SIK2: variants seen among roughly 807,000 people sequenced by gnomAD.
SIK2 encodes salt inducible kinase 2.
Under a neutral mutation model 103.2 loss-of-function variants are expected in SIK2, and 29 were observed. The ratio of observed to expected loss-of-function variants is 0.28; its 90% CI spans 0.21 to 0.38. The LOEUF (loss-of-function observed/expected upper bound fraction) is 0.38, where lower values mean the gene tolerates loss of function less well. Ranked by LOEUF, SIK2 falls within the 10% of genes least tolerant of loss-of-function variation. The pLI, the probability that SIK2 is intolerant of heterozygous loss-of-function variation, is 1.00. For missense variants in SIK2, 879 were observed against 1,171.0 expected, an observed-to-expected ratio of 0.75 and a Z score of 3.64; for synonymous variants, 412 against 446.1, an observed-to-expected ratio of 0.92 and a Z score of 0.96.
intron 3 of SIK2, among the ~76,000 whole-genome samples, chr11:111,662,610 C>G (rs1157667691): frequency 6.6e-6 from 1 of 152,106 alleles, no homozygotes; most frequent in Non-Finnish European, 1.5e-5. Flanking sequence ...AGCACAGTGG[C>G]TCACGCCTGT....
intron 8 of SIK2, among the ~76,000 whole-genome samples, chr11:111,711,411 G>A (rs1287432158): frequency 6.6e-6 from 1 of 152,108 alleles, no homozygotes; most frequent in African/African-American, 2.4e-5. Context: ...ATGAGCCACC[G>A]CGCCTGGCCT....
chr11:111,717,723 A>G (rs1348842584), intron 9 of SIK2, among the ~76,000 whole-genome samples: 2 of 152,250 alleles, frequency 1.3e-5, no homozygotes, highest in African/African-American at 2.4e-5. Flanking sequence ...CTGGATAAAG[A>G]AAATGTGGTA....
intron 3 of SIK2, among the ~76,000 whole-genome samples, chr11:111,656,575 G>C (rs1235621758): frequency 6.6e-6 from 1 of 152,130 alleles, no homozygotes; most frequent in Non-Finnish European, 1.5e-5. Context: ...ACTCATTAAG[G>C]TTAATGGAAA....
chr11:111,663,348 A>C (rs887063998), intron 3 of SIK2, among the ~76,000 whole-genome samples: 1 of 152,170 alleles, frequency 6.6e-6, no homozygotes, highest in Admixed American at 6.5e-5. Flanking sequence ...TTAGGAAGAA[A>C]GCAATGTGGA....
At chr11:111,690,404 T>G (rs1250148227) in intron 4 of SIK2, among the ~76,000 whole-genome samples, 2 of 150,272 alleles carry the variant, frequency 1.3e-5, no homozygotes, top group Non-Finnish European at 3.0e-5. Flanking sequence ...CTAGGAGTTG[T>G]TTTTTTTTCC....
chr11:111,606,308 T>C (rs961901847), intron 1 of SIK2, among the ~76,000 whole-genome samples: 9 of 151,574 alleles, frequency 5.9e-5, no homozygotes, highest in African/African-American at 1.7e-4. Context: ...AGTCTCTTAT[T>C]ATAATATAAA....
intron 3 of SIK2, among the ~76,000 whole-genome samples, chr11:111,631,895 C>T (rs1942045128): frequency 6.6e-6 from 1 of 152,142 alleles, no homozygotes; most frequent in Non-Finnish European, 1.5e-5. Flanking sequence ...GGGAATGCAT[C>T]TACGGTGTGT....
chr11:111,641,289 C>T (rs1303519834), intron 3 of SIK2, among the ~76,000 whole-genome samples: 2 of 152,142 alleles, frequency 1.3e-5, no homozygotes, highest in Non-Finnish European at 2.9e-5. Flanking sequence ...TGAGCCTTTA[C>T]GTTTCCCTAA....
chr11:111,670,749 GA>G (rs751845354), intron 3 of SIK2, among the ~76,000 whole-genome samples: 2 of 152,074 alleles, frequency 1.3e-5, no homozygotes, highest in African/African-American at 2.4e-5. Flanking sequence ...CTTTATTTTG[GA>G]AAAAAATAAT....
intron 1 of SIK2, among the ~76,000 whole-genome samples, chr11:111,614,390 C>T (rs1319586167): frequency 6.6e-6 from 1 of 151,946 alleles, no homozygotes; most frequent in Non-Finnish European, 1.5e-5. Flanking sequence ...AGCCTGACTC[C>T]CCCAAAATTT....
chr11:111,616,178 G>A (rs1227294831), intron 1 of SIK2, 65 bp from the exon 2 acceptor site: 1 of 1,074,096 alleles, frequency 9.3e-7, no homozygotes, highest in African/African-American at 1.6e-5. Context: ...TTATTGACAG[G>A]ATTCTTAACT....
intron 2 of SIK2, among the ~76,000 whole-genome samples, chr11:111,618,375 T>C (rs1469022149): frequency 6.6e-6 from 1 of 152,154 alleles, no homozygotes; most frequent in Non-Finnish European, 1.5e-5. Flanking sequence ...ACAACTTTTA[T>C]TGATAGAGAT....
chr11:111,672,341 T>C, intron 3 of SIK2: 1 of 489,866 alleles, frequency 2.0e-6, no homozygotes. Context: ...GAGGAGCAGC[T>C]GCTGAAGGCC....
Position 111,719,938 on chromosome 11 carries a change from G to T in SIK2, c.1430G>T (p.Arg477Leu), listed in dbSNP as rs1265486764. The change falls in exon 10 of 15, where the codon CGC becomes CTC. Residue 477 changes from arginine (R) to leucine (L), a missense_variant. Around this residue, in one of 7 missense-constraint regions of SIK2, gnomAD observed 222 missense variants for 258.0 expected, o/e 0.86. Coordinates refer to ENST00000304987, the MANE Select transcript of SIK2 (RefSeq NM_015191.3). ...GCCTTTGAGGCATTTCAGTCCACAC[G>T]CAGCGGGCAGAGACGGCACACTCTG... Reference protein sequence around the residue: ...AHAFEAFQSTRSGQRRHTLSE... With the variant: ...AHAFEAFQSTLSGQRRHTLSE... 6.2e-7 allele frequency: 1 copy of T among 1,614,006 alleles called. No individual in the cohort carries two copies. The highest frequency in any genetic ancestry group is 8.5e-7 in the Non-Finnish European group (1 of 1,180,026).
At chr11:111,612,901 A>G (rs1941745180) in intron 1 of SIK2, among the ~76,000 whole-genome samples, 2 of 127,298 alleles carry the variant, frequency 1.6e-5, no homozygotes, top group African/African-American at 3.4e-5. Context: ...CTTAGAAACA[A>G]GGGATAGCAA....
At chr11:111,660,748 A>G (rs945210961) in intron 3 of SIK2, among the ~76,000 whole-genome samples, 5 of 151,940 alleles carry the variant, frequency 3.3e-5, no homozygotes, top group East Asian at 3.9e-4. Flanking sequence ...CTTGGCCACA[A>G]TGACTGTACC....
intron 8 of SIK2, among the ~76,000 whole-genome samples, chr11:111,708,258 T>C (rs1182448261): frequency 6.6e-6 from 1 of 152,080 alleles, no homozygotes; most frequent in African/African-American, 2.4e-5. Flanking sequence ...AGTGCGTGCT[T>C]ATAATCCCAG....
At chr11:111,605,822 C>G (rs1333119936) in intron 1 of SIK2, among the ~76,000 whole-genome samples, 1 of 152,152 alleles carries the variant, frequency 6.6e-6, no homozygotes, top group Non-Finnish European at 1.5e-5. Flanking sequence ...ATCTATCAAA[C>G]AGTTTAACAT....
At chr11:111,718,788 C>T (rs1312264499) in intron 9 of SIK2, 1 of 152,232 alleles carries the variant, frequency 6.6e-6, no homozygotes, top group Non-Finnish European at 1.5e-5. Context: ...AACTCAGCGT[C>T]TTATGACTGG....
Sources: allele counts gnomAD v4.1 joint callset (sites outside exome capture counted in the v4.1 genomes callset), GRCh38; gene constraint gnomAD v4.1.1; regional missense constraint gnomAD v4.1.1; transcripts MANE v1.5; gene names NCBI Gene and HGNC (gene_info 2026-07-23, HGNC 2026-07-21).